Variants in ALPK2 observed in about 807,000 individuals in gnomAD.
ALPK2 encodes the protein alpha kinase 2, also known as alpha-protein kinase 2.
A neutral mutation model predicts 163.1 loss-of-function variants in ALPK2; 127 were observed. The ratio of observed to expected loss-of-function variants is 0.78; its 90% CI spans 0.67 to 0.90. ALPK2 has a LOEUF of 0.90. ALPK2 is among the 40% of genes least tolerant of loss of function. The pLI is 0.00. For missense variants in ALPK2, 2,360 were observed against 2,589.6 expected (o/e 0.91, Z 1.92); for synonymous variants, 953 against 959.1 (o/e 0.99, Z 0.12).
rs2051652512 is a variant in ALPK2 at position 58,536,915 on chromosome 18, T to C, written c.3272A>G (p.Glu1091Gly). ...GVPHHVLQLP[E>G]GEGFCSNSPL... ...GGAATTACTGCAGAAACCCTCTCCC[T>C]CTGGGAGCTGCAGGACATGGTGTGG... Residue 1091 changes from glutamate to glycine, a missense_variant, in exon 5 of 13, where the codon GAG (glutamate) becomes GGG (glycine). Coordinates refer to ENST00000361673, the MANE Select transcript of ALPK2 (RefSeq NM_052947.4). 6.2e-7 allele frequency: 1 copy of C among 1,614,200 alleles called. No homozygotes were observed. Among genetic ancestry groups the C allele is most frequent in the East Asian group, 2.2e-5 (1 of 44,886 alleles).
chr18:58,556,928 C>T lies in ALPK2; in HGVS notation c.1963-18704G>A, dbSNP rs12961927. On this transcript the variant is annotated intron_variant, in intron 4 of 12. Transcript: ENST00000361673. The stretch of plus-strand genomic sequence containing the variant: ...GACAAACGCTACCTACTCCCGAGCC[C>T]CCAGCTTCCTATTCCACATAAGATC... 3.8e-3 allele frequency: 586 copies of T among 152,378 alleles called. 2 individuals are homozygous for T. The highest frequency in any genetic ancestry group is 5.6e-3 in the Non-Finnish European group (384 of 68,066). 9.4% of individuals were successfully genotyped at this position (152,378 alleles called of 1,614,324 possible).
intron 10 of ALPK2, among the ~76,000 whole-genome samples, chr18:58,508,549 G>A (rs970398156): frequency 6.6e-6 from 1 of 152,172 alleles, no homozygotes; most frequent in Non-Finnish European, 1.5e-5. Flanking sequence ...CCAAGATGGC[G>A]ACAAGAATGA....
At chr18:58,500,798 C>T (rs2051428029) in intron 11 of ALPK2, among the ~76,000 whole-genome samples, 1 of 149,504 alleles carries the variant, frequency 6.7e-6, no homozygotes, top group Non-Finnish European at 1.5e-5. Flanking sequence ...AAAAAAAGCT[C>T]ATTCTCCAGA....
At chr18:58,607,468 A>G (rs1029984064) in intron 2 of ALPK2, 29 bp from the exon 3 acceptor site, 2 of 1,419,946 alleles carry the variant, frequency 1.4e-6, no homozygotes, top group Admixed American at 4.5e-5. Flanking sequence ...AAGTATCCTT[A>G]TTAGTTTAAG....
At chr18:58,621,513 C>T (rs924202937) in intron 1 of ALPK2, among the ~76,000 whole-genome samples, 17 of 152,090 alleles carry the variant, frequency 1.1e-4, no homozygotes, top group African/African-American at 4.1e-4. Flanking sequence ...CATCGTGATC[C>T]GCCCGCCTCG....
chr18:58,556,390 C>G (rs1345854764), intron 4 of ALPK2, among the ~76,000 whole-genome samples: 2 of 152,212 alleles, frequency 1.3e-5, no homozygotes, highest in African/African-American at 2.4e-5. Context: ...CTGGAGTCAG[C>G]AGCCTGCATT....
At chr18:58,517,607 C>T (rs903761720) in intron 8 of ALPK2, among the ~76,000 whole-genome samples, 34 of 151,502 alleles carry the variant, frequency 2.2e-4, no homozygotes, top group African/African-American at 8.0e-4. Flanking sequence ...CCCGCAACCA[C>T]GGAATCTTTG....
At chr18:58,564,553 C>A (rs2051841695) in intron 4 of ALPK2, among the ~76,000 whole-genome samples, 2 of 151,296 alleles carry the variant, frequency 1.3e-5, no homozygotes, top group Admixed American at 6.6e-5. Flanking sequence ...ATTCTTACAT[C>A]ATCAGGTTTT....
Position 58,580,116 on chromosome 18 carries a change from T to G in ALPK2, c.660A>C (p.Ser220=). The change falls in exon 4 of 13, where the codon TCA becomes TCC. Residue 220 remains serine (S), a synonymous_variant. Transcript: ENST00000361673. ...EIANGLLFLN[S]SHIYEKQDRC... is the part of the protein sequence containing the mutation. ...TGTCTTGTTTTTCATAAATATGACT[T>G]GAATTAAGAAAAAGCAACCCATTTG... 1 of 1,614,242 alleles carries G rather than the reference T, an allele frequency of 6.2e-7. No homozygotes were observed. The highest frequency in any genetic ancestry group is 8.5e-7 in the Non-Finnish European group (1 of 1,180,034).
At chr18:58,538,624 C>T (rs1279069797) in intron 4 of ALPK2, 1 of 171,522 alleles carries the variant, frequency 5.8e-6, no homozygotes, top group Non-Finnish European at 1.2e-5. Context: ...ATGAAATAAA[C>T]AGTACTTGCA....
At chr18:58,529,701 G>T (rs1223787043) in intron 5 of ALPK2, among the ~76,000 whole-genome samples, 3 of 152,154 alleles carry the variant, frequency 2.0e-5, no homozygotes, top group Non-Finnish European at 1.5e-5. Flanking sequence ...TCAACAATAG[G>T]TTATTGGCTG....
intron 4 of ALPK2, among the ~76,000 whole-genome samples, chr18:58,570,821 A>G (rs577736328): frequency 6.6e-6 from 1 of 151,920 alleles, no homozygotes; most frequent in Non-Finnish European, 1.5e-5. Flanking sequence ...AAACCAAAAC[A>G]CCCTTGGTTT....
At chr18:58,507,969 C>A (rs2144116897) in intron 10 of ALPK2, among the ~76,000 whole-genome samples, 1 of 152,294 alleles carries the variant, frequency 6.6e-6, no homozygotes, top group East Asian at 1.9e-4. Flanking sequence ...CCTACCTCCC[C>A]ACTTGCTCCC....
chr18:58,592,819 G>A (rs1405198224), intron 3 of ALPK2, among the ~76,000 whole-genome samples: 3 of 152,240 alleles, frequency 2.0e-5, no homozygotes, highest in Admixed American at 1.3e-4. Flanking sequence ...CTGCTCCGCA[G>A]CGTTGGAGAA....
In ALPK2 at chr18:58,628,970, T is replaced by C. The variant is rs1268772549; in HGVS notation, c.-227A>G. ...TTCATCTCTTCCTAAGAGGGGAAATTCCATGCCCGGGGAAGTTCTGGAAGA... is the reference window on the plus strand; with the variant it reads ...TTCATCTCTTCCTAAGAGGGGAAATCCCATGCCCGGGGAAGTTCTGGAAGA... On this transcript the variant is annotated 5_prime_UTR_variant, in exon 1 of 13. Coordinates refer to ENST00000361673, the MANE Select transcript of ALPK2 (RefSeq NM_052947.4). 3 of 152,164 alleles carry C rather than the reference T, an allele frequency of 2.0e-5. No homozygotes were observed. The highest frequency in any genetic ancestry group is 4.4e-5 in the Non-Finnish European group (3 of 68,040). 9.4% of individuals were successfully genotyped at this position (152,164 alleles called of 1,614,324 possible). A position where few individuals can be genotyped will look rare whatever the true frequency, so the allele number is the denominator to read the frequency against.
At chr18:58,602,339 A>G (rs2052075024) in intron 3 of ALPK2, among the ~76,000 whole-genome samples, 1 of 152,174 alleles carries the variant, frequency 6.6e-6, no homozygotes, top group Non-Finnish European at 1.5e-5. Flanking sequence ...GTAACAAACT[A>G]CCGCAAACTG....
chr18:58,570,081 G>A (rs1393047889), intron 4 of ALPK2, among the ~76,000 whole-genome samples: 1 of 146,420 alleles, frequency 6.8e-6, no homozygotes, highest in Admixed American at 7.0e-5. Context: ...AGTGAGCCGA[G>A]ATTGCGCCAT....
chr18:58,587,082 G>A (rs1416481869), intron 3 of ALPK2, among the ~76,000 whole-genome samples: 1 of 152,156 alleles, frequency 6.6e-6, no homozygotes, highest in Non-Finnish European at 1.5e-5. Context: ...TCAATTGCCT[G>A]GCTGAGTGTG....
At chr18:58,576,611 T>G (rs1038953541) in intron 4 of ALPK2, among the ~76,000 whole-genome samples, 5 of 151,894 alleles carry the variant, frequency 3.3e-5, no homozygotes, top group African/African-American at 9.7e-5. Context: ...TCTGTGATGA[T>G]AGTTAGCCAC....
Sources: gnomAD v4.1 joint callset for allele counts (sites outside exome capture counted in the v4.1 genomes callset) on GRCh38, gnomAD v4.1.1 for gene constraint, MANE v1.5 for transcripts, NCBI Gene and HGNC (gene_info 2026-07-23, HGNC 2026-07-21) for gene names.